The following ZC3H4 variants were observed in gnomAD, a reference collection of about 807,000 sequenced individuals.
ZC3H4 encodes zinc finger CCCH domain-containing protein 4.
Under a neutral mutation model 108.3 loss-of-function variants are expected in ZC3H4, and 13 were observed. That is an observed-to-expected ratio of 0.12 (90% confidence interval 0.08 to 0.19). The LOEUF is 0.19. ZC3H4 is among the 10% of genes least tolerant of loss of function. ZC3H4 has a pLI of 1.00. For missense variants in ZC3H4, 1,734 were observed against 1,838.8 expected (o/e 0.94, Z 1.04); for synonymous variants, 917 against 749.6 (o/e 1.22, Z -3.65).
chr19:47,093,882 A>T lies in ZC3H4; in HGVS notation c.492+88T>A, dbSNP rs546234928. Reference sequence around the variant, plus strand: ...GGCCCAGGACTGAAACTCACAAAAAATGCCCAGAACACAGCAAGTGCTCAA... The same window carrying T: ...GGCCCAGGACTGAAACTCACAAAAATTGCCCAGAACACAGCAAGTGCTCAA... On this transcript the variant is annotated intron_variant, in intron 4 of 14. Coordinates refer to ENST00000253048, the MANE Select transcript of ZC3H4 (RefSeq NM_015168.2). 1.9e-3 allele frequency: 2,244 copies of T among 1,163,108 alleles called. 3 individuals carry two copies. The highest frequency in any genetic ancestry group is 2.5e-3 in the Non-Finnish European group (2,030 of 809,684). 72.0% of individuals were successfully genotyped at this position (1,163,108 alleles called of 1,614,324 possible). A position where few individuals can be genotyped will look rare whatever the true frequency, so the allele number is the denominator to read the frequency against.
Position 47,072,396 on chromosome 19 carries a change from G to A in ZC3H4, c.1758C>T (p.Ile586=), listed in dbSNP as rs200033342. 25 of 1,613,314 alleles carry A rather than the reference G, an allele frequency of 1.5e-5. No homozygotes were observed. The highest frequency in any genetic ancestry group is 3.3e-5 in the South Asian group (3 of 90,922). Reference sequence around the variant, plus strand: ...CCAGCTGTCCCGTGGGCCGCACCACGATCTCAAACAAGGAGGGGATCTTCT... The same window carrying A: ...CCAGCTGTCCCGTGGGCCGCACCACAATCTCAAACAAGGAGGGGATCTTCT... The part of the protein sequence containing the change: ...YNKKIPSLFE[I]VVRPTGQLAE... Residue 586 remains isoleucine (I), a synonymous_variant, in exon 12 of 15, where the codon ATC becomes ATT. Transcript: ENST00000253048. The surrounding 1 kb of genome is among the most constrained non-coding windows in gnomAD (Gnocchi z 5.6).
In ZC3H4 at chr19:47,071,988, C is replaced by CGTGCATGTCAGG. The variant is rs768385418; in HGVS notation, c.1924_1935dup (p.Pro642_His645dup). 1.7e-4 allele frequency: 275 copies of CGTGCATGTCAGG among 1,579,272 alleles called. No homozygotes were observed. Among genetic ancestry groups the CGTGCATGTCAGG allele is most frequent in the African/African-American group, 1.0e-3 (77 of 74,604 alleles). ...ATCGGCATGTCTGCGTGCATGTCTG[C>CGTGCATGTCAGG]GTGCATGTCAGGGTGCATGTCCGGG... is the stretch of plus-strand genomic sequence containing the variant. On this transcript the variant is annotated inframe_insertion, in exon 13 of 15. Coordinates refer to ENST00000253048, the MANE Select transcript of ZC3H4 (RefSeq NM_015168.2).
intron 14 of ZC3H4, 92 bp downstream of exon 14, chr19:47,069,000 G>A: frequency 6.3e-7 from 1 of 1,578,772 alleles, no homozygotes; most frequent in Non-Finnish European, 8.5e-7. Flanking sequence ...GCTCCTTCCT[G>A]ACAGGAAACC....
Position 47,112,465 on chromosome 19 carries a change from G to T in ZC3H4, c.120C>A (p.Thr40=). 1 of 1,224,770 alleles carries T rather than the reference G, an allele frequency of 8.2e-7. No individual in the cohort carries two copies. The highest frequency in any genetic ancestry group is 1.0e-6 in the Non-Finnish European group (1 of 974,762). 75.9% of individuals were successfully genotyped at this position (1,224,770 alleles called of 1,614,324 possible). ...GGAGGCGGTGGTGGAGGAGGTGCGG[G>T]GTGGCCGGGCGGGCGTCGGGGGAAC... ...PPCSPDARPA[T]PHLLHHRLPL... is the part of the protein sequence containing the mutation. Residue 40 remains threonine, a synonymous_variant, in exon 2 of 15, where the codon ACC becomes ACA. Transcript: ENST00000253048.
At chr19:47,077,861 CAAAAA>C (rs767129835) in intron 11 of ZC3H4, among the ~76,000 whole-genome samples, 2 of 72,292 alleles carry the variant, frequency 2.8e-5, no homozygotes. Flanking sequence ...CCGTCTCAAA[CAAAAA>C]AAAAAAAAAA....
Position 47,067,728 on chromosome 19 carries a change from G to C in ZC3H4, c.2540C>G (p.Pro847Arg), listed in dbSNP as rs201540357. The C allele has an allele frequency of 1.2e-4, 187 of 1,607,172 alleles. No homozygotes were observed. The highest frequency in any genetic ancestry group is 1.5e-4 in the Non-Finnish European group (181 of 1,178,306). Residue 847 changes from proline to arginine, a missense_variant, in exon 15 of 15, where the codon CCC becomes CGC. Physicochemically the swap from Pro to Arg is moderately radical, Grantham distance 103. Around this residue, in one of 9 missense-constraint regions of ZC3H4, gnomAD observed 540 missense variants for 484.1 expected, o/e 1.12. Coordinates refer to ENST00000253048, the MANE Select transcript of ZC3H4 (RefSeq NM_015168.2). This position sits in a 1 kb window ranked among gnomAD's most constrained non-coding sequence, Gnocchi z 6.4. Reference protein sequence around the residue: ...GELSSSGLGDPRLQKGHPTGS... With the variant: ...GELSSSGLGDRRLQKGHPTGS... ...TGTGGGGTGTCCCTTCTGGAGGCGG[G>C]GGTCCCCCAGCCCACTGCTGCTCAG... is the stretch of plus-strand genomic sequence containing the variant.
rs369152417 is a variant in ZC3H4 at position 47,090,063 on chromosome 19, C to G, written c.619G>C (p.Asp207His). The G allele has an allele frequency of 2.5e-6, 4 of 1,614,088 alleles. No homozygotes were observed. The highest frequency in any genetic ancestry group is 2.2e-5 in the East Asian group (1 of 44,892). The part of the protein sequence containing the change: ...ENEQYGEYEG[D>H]EEEDMGKEDY... ...TCCTTGCCCATGTCCTCCTCCTCGT[C>G]GCCCTCATATTCCCCATACTGCTCA... The change falls in exon 5 of 15, where the codon GAC becomes CAC. Residue 207 changes from aspartate (D) to histidine (H), a missense_variant. This residue lies in a region of ZC3H4 where 403 missense variants were observed against 457.0 expected (regional missense o/e 0.88). Coordinates refer to ENST00000253048, the MANE Select transcript of ZC3H4 (RefSeq NM_015168.2).
Position 47,085,309 on chromosome 19 carries a change from C to G in ZC3H4, c.967+9G>C, listed in dbSNP as rs780458520. 1 of 1,592,566 alleles carries G rather than the reference C, an allele frequency of 6.3e-7. No homozygotes were observed. The highest frequency in any genetic ancestry group is 8.5e-7 in the Non-Finnish European group (1 of 1,169,938). ...CCACCCAGCGTGTCCTCTCCAGGCC[C>G]CTGCCCACCTCGGCCTCGGCTGTCC... On this transcript the variant is annotated intron_variant, in intron 7 of 14. Coordinates refer to ENST00000253048, the MANE Select transcript of ZC3H4 (RefSeq NM_015168.2).
intron 9 of ZC3H4, among the ~76,000 whole-genome samples, chr19:47,082,755 T>A (rs1600043856): frequency 2.6e-5 from 4 of 152,350 alleles, no homozygotes; most frequent in Admixed American, 2.6e-4. Context: ...TAAGCAGGAA[T>A]GAGCCTAGGT....
At chr19:47,101,549 A>T (rs558718312) in intron 2 of ZC3H4, among the ~76,000 whole-genome samples, 34 of 151,970 alleles carry the variant, frequency 2.2e-4, no homozygotes, top group South Asian at 1.2e-3. Context: ...ACTAAAAAAA[A>T]TTTTTTTTCC....
chr19:47,112,458 G>A lies in ZC3H4; in HGVS notation c.127C>T (p.Leu43Phe), dbSNP rs954317161. 1 of 1,230,724 alleles carries A rather than the reference G, an allele frequency of 8.1e-7. No individual in the cohort carries two copies. 76.2% of individuals were successfully genotyped at this position (1,230,724 alleles called of 1,614,324 possible). Residue 43 changes from leucine (L) to phenylalanine (F), a missense_variant, in exon 2 of 15, where the codon CTC becomes TTC. Leu to Phe is a conservative substitution (Grantham distance 22, BLOSUM62 0). Around this residue, in one of 9 missense-constraint regions of ZC3H4, gnomAD observed 112 missense variants for 73.3 expected, o/e 1.53. Transcript: ENST00000253048. The part of the protein sequence containing the change: ...SPDARPATPH[L>F]LHHRLPLPDD... ...GGGAGCGGGAGGCGGTGGTGGAGGAGGTGCGGGGTGGCCGGGCGGGCGTCG... is the reference window on the plus strand; with the variant it reads ...GGGAGCGGGAGGCGGTGGTGGAGGAAGTGCGGGGTGGCCGGGCGGGCGTCG...
chr19:47,066,213 T>A lies in ZC3H4; in HGVS notation c.*143A>T, dbSNP rs2057190674. ...AAGAAAGTACTACTTTAAAAAAAAA[T>A]AAAAGAGACGGAAAGCAAAAGAAAA... On this transcript the variant is annotated 3_prime_UTR_variant, in exon 15 of 15. Transcript: ENST00000253048. The A allele has an allele frequency of 3.2e-6, 2 of 624,758 alleles. No individual in the cohort carries two copies. The highest frequency in any genetic ancestry group is 3.7e-5 in the Admixed American group (1 of 26,778). 38.7% of individuals were successfully genotyped at this position (624,758 alleles called of 1,614,324 possible).
chr19:47,068,009 CCCCACAGTGG>C lies in ZC3H4; in HGVS notation c.2399-150_2399-141del, dbSNP rs2122667512. ...CAGGTCCTCCTCTCTAAGGCTCCCT[CCCCACAGTGG>C]GCGGCTGAGGAGACCCAGAGAGCTA... On this transcript the variant is annotated intron_variant, in intron 14 of 14. Coordinates refer to ENST00000253048, the MANE Select transcript of ZC3H4 (RefSeq NM_015168.2). 6 of 837,170 alleles carry C rather than the reference CCCCACAGTGG, an allele frequency of 7.2e-6. No individual in the cohort carries two copies. In the East Asian group the frequency reaches 1.6e-4, roughly 22 times the overall value. 51.9% of individuals were successfully genotyped at this position (837,170 alleles called of 1,614,324 possible).
chr19:47,104,129 G>A (rs1236607068), intron 2 of ZC3H4, among the ~76,000 whole-genome samples: 6 of 151,950 alleles, frequency 3.9e-5, no homozygotes, highest in Non-Finnish European at 8.8e-5. Context: ...GACCAGCCTG[G>A]CCAACATGGT....
At position 47,072,331 on chromosome 19, in the gene ZC3H4, A is replaced by T. The variant is rs1284638134; in HGVS notation, c.1802+21T>A. On this transcript the variant is annotated intron_variant, in intron 12 of 14. Coordinates refer to ENST00000253048, the MANE Select transcript of ZC3H4 (RefSeq NM_015168.2). The surrounding 1 kb of genome is among the most constrained non-coding windows in gnomAD (Gnocchi z 5.6). ...CCCAGGACAGCGCCCACTGCCTGTC[A>T]CGGGGGTCCAGGGCACTCACCTCAC... is the stretch of plus-strand genomic sequence containing the variant. The T allele has an allele frequency of 3.1e-6, 5 of 1,609,274 alleles. No individual in the cohort carries two copies. The East Asian group carries it at 1.1e-4, about 36-fold the overall frequency.
chr19:47,108,118 C>A (rs2057990914), intron 2 of ZC3H4, among the ~76,000 whole-genome samples: 1 of 152,320 alleles, frequency 6.6e-6, no homozygotes, highest in South Asian at 2.1e-4. Flanking sequence ...TGAATAAATA[C>A]CAATTGCCAG....
At chr19:47,100,926 G>A (rs1488596378) in intron 2 of ZC3H4, among the ~76,000 whole-genome samples, 1 of 152,042 alleles carries the variant, frequency 6.6e-6, no homozygotes, top group Non-Finnish European at 1.5e-5. Context: ...TCGAACTCCT[G>A]ACCTCAGGTG....
intron 11 of ZC3H4, among the ~76,000 whole-genome samples, chr19:47,078,652 G>A (rs567032884): frequency 9.2e-5 from 14 of 152,024 alleles, no homozygotes; most frequent in African/African-American, 2.2e-4. Flanking sequence ...AACTAATCAC[G>A]AATTTGAGAC....
At position 47,067,665 on chromosome 19, in the gene ZC3H4, G is replaced by A; in HGVS notation, c.2603C>T (p.Pro868Leu). 6.2e-7 allele frequency: 1 copy of A among 1,601,674 alleles called. No individual in the cohort carries two copies. The highest frequency in any genetic ancestry group is 1.1e-5 in the South Asian group (1 of 90,164). Reference protein sequence around the residue: ...RLADPRLSRDPRLTRHVEASG... With the variant: ...RLADPRLSRDLRLTRHVEASG... ...AGCCTCCACATGGCGGGTGAGTCTG[G>A]GGTCCCGGCTGAGGCGAGGGTCAGC... The change falls in exon 15 of 15, where the codon CCC becomes CTC. Residue 868 changes from proline (P) to leucine (L), a missense_variant. Around this residue, in one of 9 missense-constraint regions of ZC3H4, gnomAD observed 540 missense variants for 484.1 expected, o/e 1.12. Coordinates refer to ENST00000253048, the MANE Select transcript of ZC3H4 (RefSeq NM_015168.2). The surrounding 1 kb of genome is among the most constrained non-coding windows in gnomAD (Gnocchi z 6.4).
Sources: gnomAD v4.1 joint callset for allele counts (sites outside exome capture counted in the v4.1 genomes callset) on GRCh38, gnomAD v4.1.1 for gene constraint, gnomAD v4.1.1 regional missense constraint, Gnocchi (gnomAD v3.1) non-coding constraint, MANE v1.5 for transcripts, NCBI Gene and HGNC (gene_info 2026-07-23, HGNC 2026-07-21) for gene names.